Variants in NCOR2 observed in about 807,000 individuals in gnomAD.
NCOR2 encodes nuclear receptor corepressor 2, also known as CTG repeat protein 26.
Under a neutral mutation model 262.9 loss-of-function variants are expected in NCOR2, and 81 were observed. The ratio of observed to expected loss-of-function variants is 0.31; its 90% CI spans 0.26 to 0.37. NCOR2 has a LOEUF of 0.37. Ranked by LOEUF, NCOR2 falls within the 10% of genes least tolerant of loss-of-function variation. The probability of loss-of-function intolerance (pLI) is 1.00; values close to 1 mark genes in which losing one functional copy is unlikely to be tolerated. For missense variants in NCOR2, 3,385 were observed against 3,621.4 expected (o/e 0.93, Z 1.68); for synonymous variants, 1,659 against 1,559.3 (o/e 1.06, Z -1.51).
intron 1 of NCOR2, 22 bp from the exon 4 acceptor site, chr12:124,486,590 T>C: frequency 6.5e-7 from 1 of 1,549,464 alleles, no homozygotes; most frequent in Non-Finnish European, 8.7e-7. Flanking sequence ...GACAGAGGAG[T>C]GGTGAGCGTG....
intron 1 of NCOR2, among the ~76,000 whole-genome samples, chr12:124,546,587 G>C (rs1218304200): frequency 1.3e-5 from 2 of 152,078 alleles, no homozygotes; most frequent in African/African-American, 2.4e-5. Flanking sequence ...GCTAATTTTT[G>C]TATTTTTAGT....
intron 16 of NCOR2, among the ~76,000 whole-genome samples, chr12:124,390,976 C>T (rs968775663): frequency 3.9e-5 from 6 of 152,252 alleles, no homozygotes; most frequent in African/African-American, 1.4e-4. Flanking sequence ...CTTGGGGCCC[C>T]GCTGGGCTAA....
chr12:124,550,777 G>C (rs2051690933), intron 1 of NCOR2, among the ~76,000 whole-genome samples: 1 of 152,222 alleles, frequency 6.6e-6, no homozygotes, highest in South Asian at 2.1e-4. Context: ...CCTCAATGGA[G>C]AGAGGGCTGA....
chr12:124,423,833 C>G (rs919488714), intron 11 of NCOR2, among the ~76,000 whole-genome samples: 1 of 152,222 alleles, frequency 6.6e-6, no homozygotes, highest in African/African-American at 2.4e-5. Flanking sequence ...GCATACCTCA[C>G]AAGGGAGGCC....
intron 1 of NCOR2, among the ~76,000 whole-genome samples, chr12:124,492,024 C>T (rs975832642): frequency 1.3e-5 from 2 of 152,196 alleles, no homozygotes; most frequent in Non-Finnish European, 2.9e-5. Flanking sequence ...CCTCTGTCTG[C>T]AAGCACCCAA....
chr12:124,344,672 C>T (rs1267871841), exon 32 of NCOR2: 8 of 1,510,294 alleles, frequency 5.3e-6, no homozygotes, highest in Non-Finnish European at 7.1e-6. Context: ...AAGGGTGCCC[C>T]GTGGTCCTCA....
intron 1 of NCOR2, among the ~76,000 whole-genome samples, chr12:124,552,540 T>C (rs551521141): frequency 4.4e-4 from 67 of 152,248 alleles, no homozygotes; most frequent in African/African-American, 1.5e-3. Context: ...ACGCAGCCAT[T>C]GTCTCCATGA....
chr12:124,460,996 G>C (rs910195662), intron 5 of NCOR2, among the ~76,000 whole-genome samples: 1 of 152,252 alleles, frequency 6.6e-6, no homozygotes, highest in Admixed American at 6.5e-5. Flanking sequence ...GGACACACTT[G>C]TTAGAGCTGA....
chr12:124,335,506 C>T (rs202085856), exon 39 of NCOR2: 7 of 1,607,538 alleles, frequency 4.4e-6, no homozygotes, highest in Admixed American at 3.3e-5. Flanking sequence ...CCGCAGCTCC[C>T]CCTCCAGGTG....
intron 20 of NCOR2, among the ~76,000 whole-genome samples, chr12:124,368,612 T>C (rs77078314): frequency 0.11 from 16,762 of 152,318 alleles, 1,180 homozygotes; most frequent in Non-Finnish European, 0.14. Context: ...CCACTGGACA[T>C]ACGCTCATGC....
chr12:124,383,430 G>T, intron 17 of NCOR2: 1 of 547,764 alleles, frequency 1.8e-6, no homozygotes, highest in Non-Finnish European at 2.7e-6. Context: ...GGCTTCACTG[G>T]TGGTCACCAC....
exon 28 of NCOR2, chr12:124,350,662 G>A (rs199979566): frequency 1.3e-4 from 202 of 1,613,820 alleles, no homozygotes; most frequent in Middle Eastern, 4.9e-4. Flanking sequence ...TCCCGGCCGC[G>A]GTCCAAGCGA....
exon 20 of NCOR2, chr12:124,372,206 C>T: frequency 6.2e-7 from 1 of 1,601,446 alleles, no homozygotes. Context: ...TTGCCCTTGG[C>T]CGGCCCCTCC....
intron 1 of NCOR2, among the ~76,000 whole-genome samples, chr12:124,501,413 AC>A (rs753012974): frequency 6.6e-6 from 1 of 151,834 alleles, no homozygotes; most frequent in Admixed American, 6.6e-5. Flanking sequence ...GCTTCAAGCA[AC>A]AGAAATGGAT....
chr12:124,360,481 CCAGA>C (rs1305637643), intron 22 of NCOR2, among the ~76,000 whole-genome samples: 4 of 152,226 alleles, frequency 2.6e-5, no homozygotes, highest in Admixed American at 6.5e-5. Flanking sequence ...TCAACAACGG[CCAGA>C]CAGAGCTTTC....
intron 1 of NCOR2, among the ~76,000 whole-genome samples, chr12:124,554,619 CAG>C (rs1381404624): frequency 1.3e-5 from 2 of 152,226 alleles, no homozygotes; most frequent in Non-Finnish European, 2.9e-5. Context: ...GGCTGTGACA[CAG>C]AGAGGGCAGC....
In NCOR2 at chr12:124,531,731, G is replaced by A. The variant is rs1392672159; in HGVS notation, c.-118+3834C>T. Among the ~76,000 whole-genome samples, 4 of 151,806 alleles carry A rather than the reference G, an allele frequency of 2.6e-5. No homozygotes were observed. The highest frequency in any genetic ancestry group is 2.1e-4 in the South Asian group (1 of 4,800). On this transcript the variant is annotated intron_variant, in intron 1 of 46. Coordinates refer to the NCOR2 transcript ENST00000404621. This position sits in a 1 kb window ranked among gnomAD's most constrained non-coding sequence, Gnocchi z 4.5. ...TAAAGCCGGTCCTCCCAGAGCCCCC[G>A]AGAGGTGAGATCCCACCGGGCCAGG...
chr12:124,477,944 C>A (rs1363721104), intron 3 of NCOR2, among the ~76,000 whole-genome samples: 4 of 152,196 alleles, frequency 2.6e-5, no homozygotes, highest in Non-Finnish European at 5.9e-5. Flanking sequence ...CCCTGGGCTC[C>A]CCTGTGCCAG....
chr12:124,526,660 C>A (rs1294062985), intron 1 of NCOR2, among the ~76,000 whole-genome samples: 8 of 152,214 alleles, frequency 5.3e-5, no homozygotes, highest in Admixed American at 5.2e-4. Flanking sequence ...CCCCCGCGGA[C>A]AGACAGGACG....
Sources: allele counts gnomAD v4.1 joint callset (sites outside exome capture counted in the v4.1 genomes callset), GRCh38; gene constraint gnomAD v4.1.1; non-coding constraint Gnocchi (gnomAD v3.1); transcripts MANE v1.5; gene names NCBI Gene and HGNC (gene_info 2026-07-23, HGNC 2026-07-21).